The following DRC8 variants were observed in gnomAD, a reference collection of about 807,000 sequenced individuals.
The protein encoded by DRC8 is dynein regulatory complex subunit 8, also known as dynein regulatory complex protein 8.
At chr1:244,981,218 T>A in the DRC8 span, among the ~76,000 whole-genome samples, 20 of 152,106 alleles carry the variant, frequency 1.3e-4, no homozygotes, top group African/African-American at 4.8e-4. Context: ...AAAAAAATGT[T>A]GACTGAAAGG....
chr1:244,975,071 C>T, the DRC8 span, among the ~76,000 whole-genome samples: 1 of 152,140 alleles, frequency 6.6e-6, no homozygotes, highest in Non-Finnish European at 1.5e-5. Flanking sequence ...GCTGGGACTA[C>T]AGGTGCCTGC....
chr1:245,070,500 A>C, the DRC8 span, among the ~76,000 whole-genome samples: 1 of 152,222 alleles, frequency 6.6e-6, no homozygotes, highest in Non-Finnish European at 1.5e-5. Context: ...TTAAATGAGA[A>C]TAACATGATG....
At chr1:245,082,021 C>T in the DRC8 span, 1 of 1,381,500 alleles carries the variant, frequency 7.2e-7, no homozygotes, top group Non-Finnish European at 1.0e-6. Flanking sequence ...GTGCTTGGAA[C>T]AACTAGTTGC....
At chr1:245,088,041 C>T in the DRC8 span, among the ~76,000 whole-genome samples, 4 of 152,088 alleles carry the variant, frequency 2.6e-5, no homozygotes, top group African/African-American at 9.7e-5. The surrounding 1 kb of genome is among the most constrained non-coding windows in gnomAD (Gnocchi z 4.6). Flanking sequence ...AATTCTCACC[C>T]ACTCCGCATA....
At chr1:245,055,123 T>C in the DRC8 span, among the ~76,000 whole-genome samples, 3 of 152,240 alleles carry the variant, frequency 2.0e-5, no homozygotes, top group South Asian at 6.2e-4. Context: ...CTCTTTGGCC[T>C]GGAGGGAGAC....
chr1:245,099,460 C>G, the DRC8 span, among the ~76,000 whole-genome samples: 1 of 152,212 alleles, frequency 6.6e-6, no homozygotes, highest in Non-Finnish European at 1.5e-5. Context: ...CCCTGCCCAC[C>G]CTTCTGATGC....
chr1:245,049,381 TA>T, the DRC8 span, among the ~76,000 whole-genome samples: 1 of 152,180 alleles, frequency 6.6e-6, no homozygotes, highest in African/African-American at 2.4e-5. The surrounding 1 kb of genome is among the most constrained non-coding windows in gnomAD (Gnocchi z 4.5). Context: ...TCACTTGGGT[TA>T]AGGTGTCATT....
the DRC8 span, among the ~76,000 whole-genome samples, chr1:245,073,713 A>C: frequency 6.6e-6 from 1 of 152,208 alleles, no homozygotes; most frequent in Non-Finnish European, 1.5e-5. Context: ...ACATGTATAT[A>C]TAATACATAC....
the DRC8 span, among the ~76,000 whole-genome samples, chr1:245,060,877 C>T: frequency 6.6e-6 from 1 of 152,264 alleles, no homozygotes; most frequent in South Asian, 2.1e-4. Context: ...CTGCCCACCG[C>T]CTGTGCATGT....
chr1:244,985,076 GTTTTTTTTTT>G, the DRC8 span, among the ~76,000 whole-genome samples: 3 of 130,806 alleles, frequency 2.3e-5, no homozygotes, highest in East Asian at 2.2e-4. Context: ...TGTCTCCAGG[GTTTTTTTTTT>G]TTTTTTTTTT....
the DRC8 span, among the ~76,000 whole-genome samples, chr1:245,049,688 G>A: frequency 1.3e-5 from 2 of 152,140 alleles, no homozygotes; most frequent in Admixed American, 6.5e-5. The surrounding 1 kb of genome is among the most constrained non-coding windows in gnomAD (Gnocchi z 4.5). Flanking sequence ...CTGGATCTAC[G>A]GTCAAAGCTC....
the DRC8 span, among the ~76,000 whole-genome samples, chr1:244,972,373 G>C: frequency 6.6e-6 from 1 of 152,232 alleles, no homozygotes; most frequent in Non-Finnish European, 1.5e-5. Flanking sequence ...GGAGGAAATA[G>C]TTAACTGGGC....
the DRC8 span, among the ~76,000 whole-genome samples, chr1:245,009,028 C>CTTTTTTTTTTTTTTT: frequency 1.6e-5 from 1 of 64,446 alleles, no homozygotes; most frequent in Non-Finnish European, 2.6e-5. Context: ...TTATGCTTTT[C>CTTTTTTTTTTTTTTT]TTTTTTTTTT....
the DRC8 span, among the ~76,000 whole-genome samples, chr1:245,005,932 G>A: frequency 7.9e-5 from 12 of 152,058 alleles, no homozygotes; most frequent in African/African-American, 2.2e-4. Context: ...AAGGCGGAGG[G>A]CAATATTCCA....
the DRC8 span, among the ~76,000 whole-genome samples, chr1:245,006,395 TCCACCTCC>T: frequency 2.0e-5 from 3 of 152,084 alleles, no homozygotes; most frequent in African/African-American, 7.2e-5. Context: ...TACTGCAACC[TCCACCTCC>T]CATGTTCAAG....
the DRC8 span, among the ~76,000 whole-genome samples, chr1:245,111,121 A>G: frequency 2.8e-4 from 43 of 152,358 alleles, no homozygotes; most frequent in Non-Finnish European, 2.5e-4. Context: ...CTTTGCTGTT[A>G]AAAATTAACT....
At chr1:244,970,282 G>A in the DRC8 span, 1 of 638,118 alleles carries the variant, frequency 1.6e-6, no homozygotes, top group Non-Finnish European at 2.8e-6. Context: ...GCCCCGCCCC[G>A]CCCAAGGGTC....
chr1:245,025,758 C>T, the DRC8 span, among the ~76,000 whole-genome samples: 19 of 152,236 alleles, frequency 1.2e-4, no homozygotes, highest in East Asian at 5.8e-4. Flanking sequence ...GGGAGGGACC[C>T]GGTAAGAGGT....
chr1:245,107,740 G>A, the DRC8 span, among the ~76,000 whole-genome samples: 3 of 152,116 alleles, frequency 2.0e-5, no homozygotes, highest in African/African-American at 2.4e-5. Context: ...TCCAGGCACC[G>A]GGCTCCTAAA....
Sources: allele counts gnomAD v4.1 joint callset (sites outside exome capture counted in the v4.1 genomes callset), GRCh38; gene constraint gnomAD v4.1.1; non-coding constraint Gnocchi (gnomAD v3.1); transcripts MANE v1.5; gene names NCBI Gene and HGNC (gene_info 2026-07-23, HGNC 2026-07-21).